The following ASPRV1 variants were observed in gnomAD, a reference collection of about 807,000 sequenced individuals.
The protein encoded by ASPRV1 is retroviral-like aspartic protease 1.
Under a neutral mutation model 11.0 loss-of-function variants are expected in ASPRV1, and 7 were observed. The observed-to-expected ratio is 0.64, with a 90% CI of 0.36 to 1.20. The LOEUF (loss-of-function observed/expected upper bound fraction) is 1.20. ASPRV1 is among the 50% of genes most tolerant of loss of function. The probability of loss-of-function intolerance (pLI) is 0.02; values close to 1 mark genes in which losing one functional copy is unlikely to be tolerated. For missense variants in ASPRV1, 299 were observed against 320.0 expected, an observed-to-expected ratio of 0.93 and a Z score of 0.50; for synonymous variants, 136 against 138.4, an observed-to-expected ratio of 0.98 and a Z score of 0.12.
At chr2:69,950,061 C>G in the ASPRV1 span, among the ~76,000 whole-genome samples, 17 of 152,296 alleles carry the variant, frequency 1.1e-4, no homozygotes, top group Non-Finnish European at 2.1e-4. Flanking sequence ...GGTGATCCAC[C>G]TGCCTCAGCC....
chr2:69,990,377 T>G, the ASPRV1 span, among the ~76,000 whole-genome samples: 2 of 151,786 alleles, frequency 1.3e-5, no homozygotes, highest in Non-Finnish European at 2.9e-5. Flanking sequence ...AGAGATAGGG[T>G]TTCAGCATGT....
chr2:70,026,139 T>C, the ASPRV1 span, among the ~76,000 whole-genome samples: 1 of 152,152 alleles, frequency 6.6e-6, no homozygotes, highest in Non-Finnish European at 1.5e-5. Context: ...CCTAACATGG[T>C]GAAACCTTGT....
chr2:70,084,266 C>T, the ASPRV1 span, among the ~76,000 whole-genome samples: 1 of 152,184 alleles, frequency 6.6e-6, no homozygotes, highest in Non-Finnish European at 1.5e-5. Flanking sequence ...CAGAAGAAGG[C>T]TTTGTTTGAA....
chr2:69,956,644 G>C (rs1175858937), downstream of ASPRV1, among the ~76,000 whole-genome samples: 1 of 152,080 alleles, frequency 6.6e-6, no homozygotes, highest in African/African-American at 2.4e-5. Context: ...GAGGCTAGTG[G>C]TGACAGTCTT....
chr2:70,073,900 G>T, the ASPRV1 span, among the ~76,000 whole-genome samples: 1 of 151,868 alleles, frequency 6.6e-6, no homozygotes, highest in South Asian at 2.1e-4. Context: ...TTGGGAGGCC[G>T]AAATGGGCAG....
the ASPRV1 span, among the ~76,000 whole-genome samples, chr2:69,950,895 A>T: frequency 9.2e-5 from 13 of 142,028 alleles, no homozygotes; most frequent in East Asian, 1.2e-3. Flanking sequence ...AAATAATAAA[A>T]AATAAAATAG....
At chr2:70,048,793 C>G in the ASPRV1 span, 5 of 152,274 alleles carry the variant, frequency 3.3e-5, no homozygotes, top group African/African-American at 7.2e-5. Flanking sequence ...AGGGAAGAAT[C>G]CTTCCTTGTC....
At chr2:69,987,365 G>C in the ASPRV1 span, among the ~76,000 whole-genome samples, 1 of 152,034 alleles carries the variant, frequency 6.6e-6, no homozygotes, top group South Asian at 2.1e-4. Flanking sequence ...CCCACGGTGG[G>C]CTATCCTTGG....
At chr2:69,947,926 C>A in the ASPRV1 span, among the ~76,000 whole-genome samples, 2 of 152,030 alleles carry the variant, frequency 1.3e-5, no homozygotes, top group African/African-American at 2.4e-5. Flanking sequence ...GATTCCCCTG[C>A]CAGAAACAGG....
chr2:69,943,952 A>G, the ASPRV1 span, among the ~76,000 whole-genome samples: 1 of 152,246 alleles, frequency 6.6e-6, no homozygotes, highest in Admixed American at 6.5e-5. Context: ...AGTTAACTGC[A>G]TTGGCATTCT....
At chr2:70,011,100 T>A in the ASPRV1 span, among the ~76,000 whole-genome samples, 25 of 152,056 alleles carry the variant, frequency 1.6e-4, no homozygotes, top group African/African-American at 6.0e-4. Flanking sequence ...CACTGGGACC[T>A]CCTTGAGGGT....
At chr2:69,972,828 G>T in the ASPRV1 span, among the ~76,000 whole-genome samples, 1 of 152,010 alleles carries the variant, frequency 6.6e-6, no homozygotes, top group Non-Finnish European at 1.5e-5. Flanking sequence ...GCTTGGCAGA[G>T]AAATGGCGAG....
chr2:70,078,426 CAG>C, the ASPRV1 span, among the ~76,000 whole-genome samples: 1 of 152,102 alleles, frequency 6.6e-6, no homozygotes, highest in African/African-American at 2.4e-5. Context: ...GCAGAAAAAA[CAG>C]GGAAGGGGAG....
upstream of ASPRV1, chr2:69,964,441 C>T (rs1205498935): frequency 2.4e-6 from 1 of 413,382 alleles, no homozygotes; most frequent in Non-Finnish European, 4.8e-6. Context: ...GGATCAGGAA[C>T]ATGGGTAAAG....
chr2:70,040,373 C>A, the ASPRV1 span, among the ~76,000 whole-genome samples: 7 of 152,044 alleles, frequency 4.6e-5, no homozygotes, highest in Admixed American at 6.6e-5. Context: ...GACTTTGTCT[C>A]TTTATTTATT....
chr2:70,051,738 C>CT, the ASPRV1 span, among the ~76,000 whole-genome samples: 1 of 152,028 alleles, frequency 6.6e-6, no homozygotes, highest in South Asian at 2.1e-4. Context: ...CTTTGGGAGG[C>CT]TGAGGAGGGA....
Position 69,961,291 on chromosome 2 carries a change from G to A in ASPRV1, c.146C>T (p.Thr49Ile), listed in dbSNP as rs767723379. 2.1e-5 allele frequency: 34 copies of A among 1,614,018 alleles called. No individual in the cohort carries two copies. The African/African-American group carries it at 4.1e-4, about 20-fold the overall frequency. The change falls in exon 1 of 1, where the codon ACC becomes ATC. Residue 49 changes from threonine to isoleucine, a missense_variant. Transcript: ENST00000320256. ...INDLNHWDHITKLRFLKESLR... is the reference protein window; with the variant it reads ...INDLNHWDHIIKLRFLKESLR... ...GGACTCTTTCAGGAACCTTAGCTTGGTGATATGGTCCCAATGGTTGAGGTC... is the reference window on the plus strand; with the variant it reads ...GGACTCTTTCAGGAACCTTAGCTTGATGATATGGTCCCAATGGTTGAGGTC...
the ASPRV1 span, among the ~76,000 whole-genome samples, chr2:69,985,304 A>G: frequency 6.6e-6 from 1 of 151,702 alleles, no homozygotes; most frequent in Non-Finnish European, 1.5e-5. Context: ...TTGCTGAGTT[A>G]GCCACACTCC....
chr2:70,040,840 A>G, the ASPRV1 span, among the ~76,000 whole-genome samples: 1 of 152,096 alleles, frequency 6.6e-6, no homozygotes, highest in African/African-American at 2.4e-5. Context: ...ACTCAAAACT[A>G]AACTAAACTA....
Sources: gnomAD v4.1 joint callset for allele counts (sites outside exome capture counted in the v4.1 genomes callset) on GRCh38, gnomAD v4.1.1 for gene constraint, MANE v1.5 for transcripts, NCBI Gene and HGNC (gene_info 2026-07-23, HGNC 2026-07-21) for gene names.